BCL2L13: variants seen among roughly 807,000 people sequenced by gnomAD.
BCL2L13 encodes BCL2 like 13, also known as bcl-2-like protein 13.
Under a neutral mutation model 25.8 loss-of-function variants are expected in BCL2L13, and 13 were observed. The observed-to-expected ratio is 0.50, with a 90% CI of 0.33 to 0.80. The LOEUF (loss-of-function observed/expected upper bound fraction) is 0.80. Ranked by LOEUF, BCL2L13 falls within the 30% of genes least tolerant of loss-of-function variation. The pLI is 0.02. For synonymous variants in BCL2L13, 244 were observed against 230.3 expected, an observed-to-expected ratio of 1.06 and a Z score of -0.54; for missense variants, 504 against 574.9, an observed-to-expected ratio of 0.88 and a Z score of 1.26.
chr22:17,664,251 C>A (rs1032021682), intron 2 of BCL2L13, among the ~76,000 whole-genome samples: 4 of 152,166 alleles, frequency 2.6e-5, no homozygotes, highest in Non-Finnish European at 5.9e-5. Context: ...TCCCAAAGTG[C>A]TGGGATTACA....
intron 6 of BCL2L13, among the ~76,000 whole-genome samples, chr22:17,707,367 A>G (rs534979221): frequency 6.6e-6 from 1 of 152,316 alleles, no homozygotes; most frequent in South Asian, 2.1e-4. Context: ...AAGGGTCCAA[A>G]GCAGTGATCT....
Position 17,703,566 on chromosome 22 carries a change from A to G in BCL2L13, c.600+1180A>G, listed in dbSNP as rs1356072606. The G allele has an allele frequency of 2.6e-5, 4 of 152,322 alleles. No individual in the cohort carries two copies. The East Asian group carries it at 5.8e-4, about 22-fold the overall frequency. 9.4% of individuals were successfully genotyped at this position (152,322 alleles called of 1,614,324 possible). Reference sequence around the variant, plus strand: ...TGATTCTGTAGAGAGAGTACTTTTCATAAAGTATACTACTCATTATTGTTT... The same window carrying G: ...TGATTCTGTAGAGAGAGTACTTTTCGTAAAGTATACTACTCATTATTGTTT... On this transcript the variant is annotated intron_variant, in intron 6 of 6. Coordinates refer to ENST00000317582, the MANE Select transcript of BCL2L13 (RefSeq NM_015367.4).
intron 2 of BCL2L13, among the ~76,000 whole-genome samples, chr22:17,657,967 C>T (rs138910952): frequency 1.7e-3 from 258 of 150,146 alleles, no homozygotes; most frequent in African/African-American, 5.9e-3. Context: ...GGATTACAGG[C>T]GCATGCCACC....
chr22:17,673,378 TTGA>T (rs1568956007), intron 2 of BCL2L13, among the ~76,000 whole-genome samples: 1 of 122,712 alleles, frequency 8.1e-6, no homozygotes. Context: ...TTTTTTTTTT[TTGA>T]GACAGAGCCT....
At chr22:17,652,071 G>C (rs1046118876) in intron 1 of BCL2L13, among the ~76,000 whole-genome samples, 1 of 152,158 alleles carries the variant, frequency 6.6e-6, no homozygotes, top group Non-Finnish European at 1.5e-5. Flanking sequence ...CAGTGCAGAT[G>C]CTCCTCAACT....
chr22:17,630,713 C>A (rs2057996500), intron 1 of BCL2L13, among the ~76,000 whole-genome samples: 1 of 151,482 alleles, frequency 6.6e-6, no homozygotes, highest in Non-Finnish European at 1.5e-5. Flanking sequence ...GCCTCAGCCT[C>A]CCCAGTAGCT....
At chr22:17,635,213 C>T (rs576517318), upstream of BCL2L13, among the ~76,000 whole-genome samples, 9 of 150,192 alleles carry the variant, frequency 6.0e-5, no homozygotes, top group South Asian at 8.4e-4. Flanking sequence ...CACAGCAAGA[C>T]GCTATCTCTA....
At chr22:17,679,265 T>C (rs1340454936) in intron 2 of BCL2L13, among the ~76,000 whole-genome samples, 2 of 7,524 alleles carry the variant, frequency 2.7e-4, no homozygotes, top group African/African-American at 4.5e-4. Context: ...GGTTTGGCTC[T>C]TTTTTTTTTT....
At chr22:17,719,897 A>G (rs73378786) in intron 6 of BCL2L13, among the ~76,000 whole-genome samples, 8,084 of 152,030 alleles carry the variant, frequency 0.053, 361 homozygotes, top group African/African-American at 0.12. Context: ...CCTTGAAAAC[A>G]TTATGCTAAG....
At chr22:17,704,530 C>T (rs1233327122) in intron 6 of BCL2L13, among the ~76,000 whole-genome samples, 1 of 151,910 alleles carries the variant, frequency 6.6e-6, no homozygotes, top group Non-Finnish European at 1.5e-5. Context: ...AATCCCAGCA[C>T]TTTGGGAGGC....
chr22:17,678,130 T>A (rs1197588016), intron 2 of BCL2L13, among the ~76,000 whole-genome samples: 1 of 152,146 alleles, frequency 6.6e-6, no homozygotes, highest in African/African-American at 2.4e-5. Context: ...TCAAGTGATC[T>A]TCACACATCA....
chr22:17,726,963 A>G lies in BCL2L13; in HGVS notation c.887A>G (p.Glu296Gly), dbSNP rs757012617. The G allele has an allele frequency of 8.1e-6, 13 of 1,614,084 alleles. No homozygotes were observed. In the Admixed American group the frequency reaches 2.2e-4, roughly 27 times the overall value. Residue 296 changes from glutamate (E) to glycine (G), a missense_variant, in exon 7 of 7, where the codon GAG becomes GGG. Glu to Gly is a moderately conservative substitution (Grantham distance 98). Transcript: ENST00000317582. ...AGCTTAGACAGCAACGGAGCTGGAG[A>G]GAAGAGTGAGAACAACTCCTCTAAT... ...VKSLDSNGAG[E>G]KSENNSSNSD...
At chr22:17,715,170 ATTTTTTTTTTTT>A (rs149600387) in intron 6 of BCL2L13, among the ~76,000 whole-genome samples, 4 of 11,048 alleles carry the variant, frequency 3.6e-4, no homozygotes, top group African/African-American at 7.7e-4. Flanking sequence ...ATATATATAT[ATTTTTTTTTTTT>A]TTTTTTTTTT....
chr22:17,629,936 G>A lies in BCL2L13; in HGVS notation c.-650+931G>A, dbSNP rs1047178895. ...GCTGAACATTAATTTCCTTTGTCCC[G>A]GGCCAGGCGCGGTGTCTCACGCCTG... is the stretch of plus-strand genomic sequence containing the variant. On this transcript the variant is annotated intron_variant, in intron 1 of 6. Transcript: ENST00000399782. Among the ~76,000 whole-genome samples the A allele has an allele frequency of 5.3e-4, 80 of 151,850 alleles. 2 individuals carry two copies. Among genetic ancestry groups the A allele is most frequent in the Admixed American group, 3.9e-3 (59 of 15,226 alleles).
intron 6 of BCL2L13, among the ~76,000 whole-genome samples, chr22:17,716,918 A>T (rs936062480): frequency 3.3e-5 from 5 of 152,086 alleles, no homozygotes; most frequent in African/African-American, 1.2e-4. Context: ...CTTTTATGAG[A>T]TAGAGGCTGA....
chr22:17,695,292 A>G (rs2060230763), intron 4 of BCL2L13, among the ~76,000 whole-genome samples: 1 of 152,182 alleles, frequency 6.6e-6, no homozygotes, highest in Non-Finnish European at 1.5e-5. Context: ...AGACCAAAAT[A>G]TTCATGCCAA....
intron 2 of BCL2L13, among the ~76,000 whole-genome samples, chr22:17,663,510 A>C (rs1416826018): frequency 6.6e-6 from 1 of 151,966 alleles, no homozygotes; most frequent in Non-Finnish European, 1.5e-5. Context: ...TTTTTCTTTT[A>C]TTGTTTTCTA....
intron 6 of BCL2L13, among the ~76,000 whole-genome samples, chr22:17,721,159 G>A (rs1195467114): frequency 7.9e-6 from 1 of 126,604 alleles, no homozygotes; most frequent in African/African-American, 3.0e-5. Context: ...GACAGGGCGA[G>A]ACTCCGTCTC....
chr22:17,643,931 CAG>C (rs1568919567), intron 1 of BCL2L13, among the ~76,000 whole-genome samples: 1 of 143,194 alleles, frequency 7.0e-6, no homozygotes, highest in Non-Finnish European at 1.5e-5. Context: ...TATTTTGAGA[CAG>C]AATCTCACTC....
Sources: allele counts gnomAD v4.1 joint callset (sites outside exome capture counted in the v4.1 genomes callset), GRCh38; gene constraint gnomAD v4.1.1; transcripts MANE v1.5; gene names NCBI Gene and HGNC (gene_info 2026-07-23, HGNC 2026-07-21).